Variants in CDK6 observed in about 807,000 individuals in gnomAD.
The protein encoded by CDK6 is cyclin dependent kinase 6.
In CDK6, 6 loss-of-function variants were observed where a neutral mutation model predicts 37.1. That is an observed-to-expected ratio of 0.16 (90% CI 0.09 to 0.32). The LOEUF (loss-of-function observed/expected upper bound fraction) is 0.32, where lower values mean the gene tolerates loss of function less well. Among genes scored for constraint, CDK6 ranks in the 10% least tolerant of loss-of-function variants. The probability of loss-of-function intolerance (pLI) is 1.00; values close to 1 mark genes in which losing one functional copy is unlikely to be tolerated. For missense variants in CDK6, 224 were observed against 418.9 expected (o/e 0.53, Z 4.06); for synonymous variants, 160 against 161.3 (o/e 0.99, Z 0.06).
chr7:92,695,777 G>A (rs1448588896), intron 4 of CDK6, among the ~76,000 whole-genome samples: 1 of 152,242 alleles, frequency 6.6e-6, no homozygotes, highest in African/African-American at 2.4e-5. Flanking sequence ...CAGGCTGAAA[G>A]GCTCAGGACG....
At chr7:92,776,383 T>C (rs930139560) in intron 2 of CDK6, among the ~76,000 whole-genome samples, 1 of 152,242 alleles carries the variant, frequency 6.6e-6, no homozygotes, top group Admixed American at 6.5e-5. Flanking sequence ...TGTGCATGTG[T>C]CTTTACAGTA....
At chr7:92,728,377 TA>T (rs1798562164) in intron 3 of CDK6, among the ~76,000 whole-genome samples, 1 of 152,208 alleles carries the variant, frequency 6.6e-6, no homozygotes, top group South Asian at 2.1e-4. Flanking sequence ...AAGTGGTTAT[TA>T]TTCTGTACAC....
intron 4 of CDK6, among the ~76,000 whole-genome samples, chr7:92,692,093 C>T (rs1022412848): frequency 6.6e-6 from 1 of 152,050 alleles, no homozygotes; most frequent in Non-Finnish European, 1.5e-5. Context: ...CATGGGGAAA[C>T]TCCATCTCTA....
chr7:92,802,147 C>T (rs1422048329), intron 2 of CDK6, among the ~76,000 whole-genome samples: 1 of 151,978 alleles, frequency 6.6e-6, no homozygotes, highest in Non-Finnish European at 1.5e-5. Context: ...ACATTGCACC[C>T]ATCAAACAAC....
At chr7:92,765,868 T>C (rs1799567238) in intron 3 of CDK6, among the ~76,000 whole-genome samples, 1 of 152,210 alleles carries the variant, frequency 6.6e-6, no homozygotes, top group Non-Finnish European at 1.5e-5. Context: ...TGTGGAGTTG[T>C]AGCTGAGAGG....
At chr7:92,671,186 G>A (rs938005258) in intron 5 of CDK6, 1 of 330,980 alleles carries the variant, frequency 3.0e-6, no homozygotes, top group African/African-American at 2.1e-5. Flanking sequence ...TAACTTATAA[G>A]AACAGTGGGG....
At chr7:92,660,570 TAAG>T (rs375651509) in intron 5 of CDK6, among the ~76,000 whole-genome samples, 12 of 152,188 alleles carry the variant, frequency 7.9e-5, no homozygotes, top group African/African-American at 2.6e-4. Flanking sequence ...ACAGTGATAA[TAAG>T]AATATTAATT....
chr7:92,638,375 G>C (rs962871868), intron 5 of CDK6, among the ~76,000 whole-genome samples: 1 of 152,134 alleles, frequency 6.6e-6, no homozygotes, highest in African/African-American at 2.4e-5. Context: ...ATTGAACAAC[G>C]TTTCACTGTC....
chr7:92,683,415 G>A (rs960605215), intron 4 of CDK6, among the ~76,000 whole-genome samples: 1 of 152,216 alleles, frequency 6.6e-6, no homozygotes, highest in Non-Finnish European at 1.5e-5. Context: ...TAGTGCAAGT[G>A]ATGAGGGAAA....
At position 92,814,491 on chromosome 7, in the gene CDK6, C is replaced by A. The variant is rs1800971826; in HGVS notation, c.233+18600G>T. ...ACTGCTGCATAACAAAAACTTCCCGCAGGTAATAAGCAATTCTTGGGCTGC... is the reference window on the plus strand; with the variant it reads ...ACTGCTGCATAACAAAAACTTCCCGAAGGTAATAAGCAATTCTTGGGCTGC... On this transcript the variant is annotated intron_variant, in intron 2 of 7. Transcript: ENST00000424848. Among the ~76,000 whole-genome samples, 7 of 144,890 alleles carry A rather than the reference C, an allele frequency of 4.8e-5. No individual in the cohort carries two copies. In the South Asian group the frequency reaches 1.5e-3, roughly 31 times the overall value.
intron 2 of CDK6, among the ~76,000 whole-genome samples, chr7:92,810,288 T>TTGCCAAGCAGGTCAA (rs1477610723): frequency 6.6e-6 from 1 of 152,220 alleles, no homozygotes; most frequent in Non-Finnish European, 1.5e-5. Context: ...AAGCAGGTCT[T>TTGCCAAGCAGGTCAA]ACTAAAACAG....
intron 5 of CDK6, among the ~76,000 whole-genome samples, chr7:92,627,061 C>T (rs11767704): frequency 0.22 from 33,678 of 151,836 alleles, 4,191 homozygotes; most frequent in Middle Eastern, 0.37. Flanking sequence ...GGAAACAATC[C>T]TAACGTCCAT....
At chr7:92,691,940 C>T (rs1438781964) in intron 4 of CDK6, among the ~76,000 whole-genome samples, 1 of 152,162 alleles carries the variant, frequency 6.6e-6, no homozygotes, top group Non-Finnish European at 1.5e-5. Context: ...TTTAAAGAGA[C>T]CCACAGGACT....
At chr7:92,710,941 C>G in intron 4 of CDK6, 1 of 814,140 alleles carries the variant, frequency 1.2e-6, no homozygotes, top group Non-Finnish European at 1.5e-6. Context: ...ACAGGAAGAG[C>G]AGAAAGCGCC....
intron 1 of CDK6, 44 bp downstream of exon 1, chr7:92,836,434 C>A (rs1413462606): frequency 6.6e-6 from 1 of 150,924 alleles, no homozygotes; most frequent in Non-Finnish European, 1.5e-5. Flanking sequence ...TCCCCCGGGA[C>A]CCCCCACCCC....
chr7:92,734,663 A>C (rs930877467), intron 3 of CDK6, among the ~76,000 whole-genome samples: 1 of 152,250 alleles, frequency 6.6e-6, no homozygotes, highest in Non-Finnish European at 1.5e-5. Flanking sequence ...TAGCTTAAAA[A>C]GAACTCACTG....
chr7:92,622,038 C>T (rs1356117892), intron 6 of CDK6, among the ~76,000 whole-genome samples: 4 of 146,514 alleles, frequency 2.7e-5, no homozygotes, highest in East Asian at 4.0e-4. Flanking sequence ...TTACAGACTT[C>T]GAATTTCATA....
chr7:92,628,355 C>T lies in CDK6; in HGVS notation c.648-5269G>A, dbSNP rs368514153. Among the ~76,000 whole-genome samples the T allele has an allele frequency of 7.7e-5, 10 of 130,074 alleles. No homozygotes were observed. In the South Asian group the frequency reaches 2.6e-3, roughly 34 times the overall value. 85.3% of individuals were successfully genotyped at this position (130,074 alleles called of 152,430 possible). On this transcript the variant is annotated intron_variant, in intron 5 of 7. Coordinates refer to ENST00000424848, the MANE Select transcript of CDK6 (RefSeq NM_001145306.2). ...CATATATGATCTGTTCACCTCACTTCTTCATTCCCTACTTTAATACTAAGG... is the reference window on the plus strand; with the variant it reads ...CATATATGATCTGTTCACCTCACTTTTTCATTCCCTACTTTAATACTAAGG...
intron 5 of CDK6, among the ~76,000 whole-genome samples, chr7:92,659,786 A>T (rs993473262): frequency 1.3e-5 from 2 of 152,200 alleles, no homozygotes; most frequent in Non-Finnish European, 2.9e-5. Context: ...ACATAGTAAG[A>T]GTTTCAGAAA....
Sources: gnomAD v4.1 joint callset for allele counts (sites outside exome capture counted in the v4.1 genomes callset) on GRCh38, gnomAD v4.1.1 for gene constraint, MANE v1.5 for transcripts, NCBI Gene and HGNC (gene_info 2026-07-23, HGNC 2026-07-21) for gene names.